Variants in PAEP observed in about 807,000 individuals in gnomAD.
PAEP encodes the protein progestagen associated endometrial protein.
PAEP carries 28 observed loss-of-function variants against 23.0 expected under a neutral mutation model. The observed-to-expected ratio is 1.22, with a 90% CI of 0.90 to 1.67. The LOEUF is 1.67. Among genes scored for constraint, PAEP ranks in the 40% most tolerant of loss-of-function variants. The pLI is 0.00. For synonymous variants in PAEP, 103 were observed against 92.4 expected (o/e 1.12, Z -0.66); for missense variants, 209 against 226.4 (o/e 0.92, Z 0.49).
Position 135,562,355 on chromosome 9 carries a change from T to A in PAEP, c.158T>A (p.Leu53Gln), listed in dbSNP as rs374587169. Residue 53 changes from leucine (L) to glutamine (Q), a missense_variant, in exon 2 of 7, where the codon CTG becomes CAG. By Grantham distance (113) the Leu-to-Gln change is moderately radical. Coordinates refer to ENST00000479141, the MANE Select transcript of PAEP (RefSeq NM_002571.4). Reference sequence around the variant, plus strand: ...AACAACATCTCCCTCATGGCGACACTGAAGGCCCCTCTGAGGGTCCACATC... The same window carrying A: ...AACAACATCTCCCTCATGGCGACACAGAAGGCCCCTCTGAGGGTCCACATC... ...ATNNISLMAT[L>Q]KAPLRVHITS... 5.0e-6 allele frequency: 8 copies of A among 1,613,972 alleles called. No individual in the cohort carries two copies. In the African/African-American group the frequency reaches 1.1e-4, roughly 22 times the overall value.
intron 4 of PAEP, chr9:135,564,967 A>G (rs1832509740): frequency 1.3e-6 from 1 of 765,280 alleles, no homozygotes; most frequent in African/African-American, 1.9e-5. Context: ...GCTGTCAACC[A>G]AACGAAGGCC....
At position 135,562,350 on chromosome 9, in the gene PAEP, G is replaced by A. The variant is rs750815074; in HGVS notation, c.153G>A (p.Ala51=). 1.4e-5 allele frequency: 22 copies of A among 1,614,000 alleles called. No homozygotes were observed. The highest frequency in any genetic ancestry group is 3.3e-4 in the Middle Eastern group (2 of 6,084). The change falls in exon 2 of 7, where the codon GCG becomes GCA. Residue 51 remains alanine (A), a synonymous_variant. Coordinates refer to ENST00000479141, the MANE Select transcript of PAEP (RefSeq NM_002571.4). ...AMATNNISLM[A]TLKAPLRVHI... ...CGACCAACAACATCTCCCTCATGGC[G>A]ACACTGAAGGCCCCTCTGAGGGTCC...
chr9:135,563,733 T>A (rs183657388), intron 3 of PAEP, among the ~76,000 whole-genome samples: 380 of 152,288 alleles, frequency 2.5e-3, no homozygotes, highest in Middle Eastern at 0.017. Context: ...ATTATTTTTT[T>A]AAAAAGACAG....
chr9:135,564,064 A>G (rs2119037288), intron 3 of PAEP, among the ~76,000 whole-genome samples, 180 bp from the exon 4 acceptor site: 1 of 151,970 alleles, frequency 6.6e-6, no homozygotes, highest in South Asian at 2.1e-4. Flanking sequence ...GGCCCTCCAC[A>G]TTGCCTCTCC....
At chr9:135,564,513 T>C in intron 4 of PAEP, 159 bp downstream of exon 4, 2 of 983,184 alleles carry the variant, frequency 2.0e-6, no homozygotes, top group Non-Finnish European at 2.4e-6. Context: ...TTGTTTGCTT[T>C]GTTTTTTTGA....
intron 6 of PAEP, 94 bp downstream of exon 6, chr9:135,565,895 G>A: frequency 7.3e-7 from 1 of 1,375,928 alleles, no homozygotes; most frequent in South Asian, 1.2e-5. Context: ...AGACCCTACT[G>A]TGTCCAGTTC....
At chr9:135,564,909 G>T in intron 4 of PAEP, 1 of 980,098 alleles carries the variant, frequency 1.0e-6, no homozygotes, top group Non-Finnish European at 1.2e-6. Context: ...TTGGTGGATA[G>T]ATTAATACTC....
chr9:135,562,221 C>G (rs1832330985), intron 1 of PAEP, 73 bp from the exon 2 acceptor site: 1 of 1,546,800 alleles, frequency 6.5e-7, no homozygotes, highest in South Asian at 1.2e-5. Context: ...CAGTTAGACT[C>G]AGCCCCGTCT....
rs1006752929 is a variant in PAEP at position 135,564,767 on chromosome 9, G to A, written c.421+413G>A. On this transcript the variant is annotated intron_variant, in intron 4 of 6. Transcript: ENST00000479141. ...GATCCACCCGCCTTGGCCTCCCAAA[G>A]GGCTGGGATTACAGGCGTGAGCCAC... 1.0e-5 allele frequency: 10 copies of A among 979,630 alleles called. No homozygotes were observed. The South Asian group carries it at 3.3e-4, about 32-fold the overall frequency. 60.7% of individuals were successfully genotyped at this position (979,630 alleles called of 1,614,324 possible).
At chr9:135,561,928 G>C in intron 1 of PAEP, 31 bp downstream of exon 1, 2 of 1,510,696 alleles carry the variant, frequency 1.3e-6, no homozygotes, top group Non-Finnish European at 1.8e-6. Context: ...GCACTTTACT[G>C]TGGGAGGCCT....
At chr9:135,562,245 C>T (rs542561164) in intron 1 of PAEP, 49 bp from the exon 2 acceptor site, 69 of 1,597,048 alleles carry the variant, frequency 4.3e-5, no homozygotes, top group East Asian at 3.8e-4. Flanking sequence ...CCGGGTGCAA[C>T]GAGAGCCATG....
At chr9:135,563,024 G>A in intron 3 of PAEP, 131 bp downstream of exon 3, 1 of 721,680 alleles carries the variant, frequency 1.4e-6, no homozygotes, top group Admixed American at 2.2e-5. Context: ...CAGGGAGTCA[G>A]AGTGTTTACT....
chr9:135,561,964 C>A, intron 1 of PAEP, 67 bp downstream of exon 1: 1 of 1,195,642 alleles, frequency 8.4e-7, no homozygotes, highest in Non-Finnish European at 1.2e-6. Flanking sequence ...TGCGGGCAGG[C>A]AGGAAGCCCA....
chr9:135,562,718 C>T (rs564678043), intron 2 of PAEP, 102 bp from the exon 3 acceptor site: 7 of 1,013,240 alleles, frequency 6.9e-6, no homozygotes, highest in Non-Finnish European at 1.1e-5. Context: ...CTGCGGTGCT[C>T]CTTGGACCCG....
At position 135,562,547 on chromosome 9, in the gene PAEP, C is replaced by A. The variant is rs931825471; in HGVS notation, c.236+114C>A. ...CTTAGCCCCAGGCATTTTCTGACAG[C>A]CAGGGGCTTCACTGTGGCCCTTCCA... On this transcript the variant is annotated intron_variant, in intron 2 of 6. Transcript: ENST00000479141. The A allele has an allele frequency of 4.5e-6, 6 of 1,325,798 alleles. No individual in the cohort carries two copies. In the African/African-American group the frequency reaches 5.8e-5, roughly 13 times the overall value. 82.1% of individuals were successfully genotyped at this position (1,325,798 alleles called of 1,614,324 possible).
intron 3 of PAEP, among the ~76,000 whole-genome samples, chr9:135,563,315 T>TGGGCAGGTGAGC (rs1832405602): frequency 1.4e-4 from 2 of 14,552 alleles, no homozygotes; most frequent in African/African-American, 2.4e-4. Flanking sequence ...GCTAGGTGAG[T>TGGGCAGGTGAGC]AAGTGGTTAG....
rs145838521 is a variant in PAEP at position 135,564,272 on chromosome 9, C to G, written c.339C>G (p.Leu113=). Residue 113 remains leucine, a synonymous_variant, in exon 4 of 7, where the codon CTC becomes CTG. Coordinates refer to ENST00000479141, the MANE Select transcript of PAEP (RefSeq NM_002571.4). ...NYTVANEATL[L]DTDYDNFLFL... ...CGGTGGCGAACGAGGCCACGCTGCT[C>G]GATACTGACTACGACAATTTCCTGT... The G allele has an allele frequency of 1.3e-6, 2 of 1,553,366 alleles. No homozygotes were observed.
At chr9:135,563,030 T>C (rs1828658702) in intron 3 of PAEP, 137 bp downstream of exon 3, 6 of 696,954 alleles carry the variant, frequency 8.6e-6, no homozygotes, top group Non-Finnish European at 1.5e-5. Context: ...GTCAGAGTGT[T>C]TACTCCGGTC....
intron 4 of PAEP, 152 bp from the exon 5 acceptor site, chr9:135,565,258 C>T: frequency 1.5e-6 from 1 of 651,622 alleles, no homozygotes; most frequent in East Asian, 2.7e-5. Context: ...GCCCCGGAGA[C>T]CGCCCTAGGG....
Sources: gnomAD v4.1 joint callset for allele counts (sites outside exome capture counted in the v4.1 genomes callset) on GRCh38, gnomAD v4.1.1 for gene constraint, MANE v1.5 for transcripts, NCBI Gene and HGNC (gene_info 2026-07-23, HGNC 2026-07-21) for gene names.